ZFYVE1: variants seen among roughly 807,000 people sequenced by gnomAD.
The protein encoded by ZFYVE1 is zinc finger FYVE domain-containing protein 1.
ZFYVE1 carries 30 observed loss-of-function variants against 74.4 expected under a neutral mutation model. That is an observed-to-expected ratio of 0.40 (90% CI 0.30 to 0.55). The LOEUF (loss-of-function observed/expected upper bound fraction) is 0.55, where lower values mean the gene tolerates loss of function less well. ZFYVE1 is among the 20% of genes least tolerant of loss of function. ZFYVE1 has a pLI of 0.42. For missense variants in ZFYVE1, 703 were observed against 1,011.6 expected (o/e 0.69, Z 4.14); for synonymous variants, 335 against 385.1 (o/e 0.87, Z 1.52).
rs1894476700 is a variant in ZFYVE1, at chr14:73,026,929, T to C, written c.-438A>G. 7.7e-6 allele frequency: 3 copies of C among 389,478 alleles called. No individual in the cohort carries two copies. Among genetic ancestry groups the C allele is most frequent in the Non-Finnish European group, 1.4e-5 (3 of 220,782 alleles). 24.1% of individuals were successfully genotyped at this position (389,478 alleles called of 1,614,324 possible). A position where few individuals can be genotyped will look rare whatever the true frequency, so the allele number is the denominator to read the frequency against. On this transcript the variant is annotated 5_prime_UTR_variant, in exon 1 of 12. Coordinates refer to ENST00000556143, the MANE Select transcript of ZFYVE1 (RefSeq NM_021260.4). The stretch of plus-strand genomic sequence containing the variant: ...CGCCGCGGCCCGGGGATCCCACCAC[T>C]GAGAAGCTCGGCCGCAGCAAGGCGG...
At chr14:72,991,523 G>C (rs926928638) in intron 4 of ZFYVE1, among the ~76,000 whole-genome samples, 1 of 152,054 alleles carries the variant, frequency 6.6e-6, no homozygotes, top group South Asian at 2.1e-4. Context: ...ATCTGGGTTA[G>C]CTTCCAGAAG....
intron 8 of ZFYVE1, among the ~76,000 whole-genome samples, chr14:72,977,337 T>C (rs1594831296): frequency 6.6e-6 from 1 of 151,178 alleles, no homozygotes; most frequent in Non-Finnish European, 1.5e-5. Context: ...ACCCGGGAGG[T>C]GGAGATTGCA....
Position 72,975,346 on chromosome 14 carries a change from C to A in ZFYVE1, c.1806+205G>T. The A allele has an allele frequency of 1.6e-6, 1 of 631,502 alleles. No individual in the cohort carries two copies. The highest frequency in any genetic ancestry group is 2.6e-6 in the Non-Finnish European group (1 of 380,298). The allele number at this position is 631,502 out of a possible 1,614,324, so 39.1% of individuals were successfully genotyped here. ...ACTAAAACTCACCAAACAGAAAATA[C>A]TTGCAGGAAAACACGAAGGGAAATC... On this transcript the variant is annotated intron_variant, in intron 9 of 11. Transcript: ENST00000556143. The surrounding 1 kb of genome is among the most constrained non-coding windows in gnomAD (Gnocchi z 4.1).
chr14:72,993,379 C>A (rs772022639), intron 3 of ZFYVE1, 22 bp from the exon 4 acceptor site: 1 of 1,576,722 alleles, frequency 6.3e-7, no homozygotes, highest in South Asian at 1.1e-5. Context: ...GAAACACAGG[C>A]ACATGGGTAG....
At chr14:72,974,732 T>C (rs1893121063) in intron 10 of ZFYVE1, 47 bp downstream of exon 10, 3 of 1,555,520 alleles carry the variant, frequency 1.9e-6, no homozygotes, top group Admixed American at 3.6e-5. Flanking sequence ...AGGGCCAATG[T>C]GGGAGGTTCT....
intron 3 of ZFYVE1, among the ~76,000 whole-genome samples, chr14:72,997,370 A>AT (rs147301387): frequency 0.073 from 10,928 of 149,532 alleles, 522 homozygotes; most frequent in East Asian, 0.19. Context: ...TCCTAATCTT[A>AT]TTTTTTTTTT....
intron 10 of ZFYVE1, 138 bp downstream of exon 10, chr14:72,974,641 G>A: frequency 5.3e-6 from 6 of 1,128,976 alleles, no homozygotes; most frequent in Non-Finnish European, 6.2e-6. Context: ...AAGGAGCTTA[G>A]AGGCTGACTG....
At chr14:73,010,768 T>TAAAAA (rs35771113) in intron 2 of ZFYVE1, among the ~76,000 whole-genome samples, 3 of 59,000 alleles carry the variant, frequency 5.1e-5, no homozygotes, top group African/African-American at 7.8e-5. Context: ...AGACTCCATC[T>TAAAAA]AAAAAAAAAA....
At chr14:73,002,315 A>G (rs1000956258) in intron 2 of ZFYVE1, among the ~76,000 whole-genome samples, 18 of 152,244 alleles carry the variant, frequency 1.2e-4, no homozygotes, top group African/African-American at 4.1e-4. Flanking sequence ...TGGAAAGATG[A>G]AAATATTCCA....
rs955748994 is a variant in ZFYVE1 at position 73,018,050 on chromosome 14, G to T, written c.483+5976C>A. Among the ~76,000 whole-genome samples, 35 of 152,120 alleles carry T rather than the reference G, an allele frequency of 2.3e-4. 1 individual carries two copies. The highest frequency in any genetic ancestry group is 6.6e-5 in the Admixed American group (1 of 15,264). ...TGGCATTCTTTCTAGCCTCGAACAT[G>T]CCATCCAACCTTCATTTTCTTCCCA... On this transcript the variant is annotated intron_variant, in intron 2 of 11. Coordinates refer to ENST00000556143, the MANE Select transcript of ZFYVE1 (RefSeq NM_021260.4).
At chr14:72,981,306 A>C (rs1304229475) in intron 5 of ZFYVE1, among the ~76,000 whole-genome samples, 1 of 152,194 alleles carries the variant, frequency 6.6e-6, no homozygotes, top group Non-Finnish European at 1.5e-5. Context: ...GCTCCCCAGA[A>C]AATTCTAATG....
chr14:73,014,390 CACCATATAATGCCTTCCCCTCT>C (rs1343802976), intron 2 of ZFYVE1, among the ~76,000 whole-genome samples: 118 of 152,308 alleles, frequency 7.7e-4, no homozygotes, highest in African/African-American at 2.6e-3. Context: ...TCCCAGTAAA[CACCATATAATGCCTTCCCCTCT>C]ACCAATATCA....
At chr14:72,980,274 G>A (rs1178664721) in intron 5 of ZFYVE1, among the ~76,000 whole-genome samples, 1 of 152,216 alleles carries the variant, frequency 6.6e-6, no homozygotes, top group Non-Finnish European at 1.5e-5. Context: ...ACAGATGTAG[G>A]TCAGGTCTAC....
At chr14:73,022,626 T>C (rs1311830222) in intron 2 of ZFYVE1, among the ~76,000 whole-genome samples, 2 of 152,224 alleles carry the variant, frequency 1.3e-5, no homozygotes, top group African/African-American at 4.8e-5. Context: ...TACCCTTGGC[T>C]ATATAGTGAT....
chr14:72,975,910 T>A lies in ZFYVE1; in HGVS notation c.1636-189A>T. ...TCTTCAAAGTGACCATAAGACTTGA[T>A]GTGTAGCTGTTCAATTCAGGACTTA... is the stretch of plus-strand genomic sequence containing the variant. On this transcript the variant is annotated intron_variant, in intron 8 of 11. Transcript: ENST00000556143. This position sits in a 1 kb window ranked among gnomAD's most constrained non-coding sequence, Gnocchi z 4.1. 4.6e-6 allele frequency: 3 copies of A among 648,212 alleles called. No individual in the cohort carries two copies. The highest frequency in any genetic ancestry group is 7.7e-6 in the Non-Finnish European group (3 of 388,146). The allele number at this position is 648,212 out of a possible 1,614,324, so 40.2% of individuals were successfully genotyped here.
At chr14:73,026,841 G>GCCTGAGCC (rs1894474082) in intron 1 of ZFYVE1, 85 bp downstream of exon 1, 1 of 136,136 alleles carries the variant, frequency 7.3e-6, no homozygotes, top group Non-Finnish European at 1.5e-5. Flanking sequence ...CCCGAGGGCA[G>GCCTGAGCC]CCTGAGCCCC....
At position 72,970,574 on chromosome 14, in the gene ZFYVE1, C is replaced by T. The variant is rs972772542; in HGVS notation, c.*308G>A. ...AGCCAGCAGCAGCCTCGATACGCCC[C>T]GAGTGCCTTTCATATGTATATATGA... On this transcript the variant is annotated 3_prime_UTR_variant, in exon 12 of 12. Coordinates refer to ENST00000556143, the MANE Select transcript of ZFYVE1 (RefSeq NM_021260.4). 8.9e-6 allele frequency: 3 copies of T among 338,190 alleles called. No homozygotes were observed. The highest frequency in any genetic ancestry group is 9.1e-4 in the Middle Eastern group (1 of 1,094). 20.9% of individuals were successfully genotyped at this position (338,190 alleles called of 1,614,324 possible).
intron 5 of ZFYVE1, 112 bp downstream of exon 5, chr14:72,981,677 T>A: frequency 1.0e-6 from 1 of 991,674 alleles, no homozygotes; most frequent in African/African-American, 1.6e-5. Flanking sequence ...TCAGAACCTG[T>A]AATTTAGCAA....
At chr14:73,022,687 A>G (rs902457863) in intron 2 of ZFYVE1, among the ~76,000 whole-genome samples, 1 of 152,150 alleles carries the variant, frequency 6.6e-6, no homozygotes, top group Non-Finnish European at 1.5e-5. Flanking sequence ...AGCCCACTCA[A>G]AAGAAAAGTA....
Sources: allele counts gnomAD v4.1 joint callset (sites outside exome capture counted in the v4.1 genomes callset), GRCh38; gene constraint gnomAD v4.1.1; non-coding constraint Gnocchi (gnomAD v3.1); transcripts MANE v1.5; gene names NCBI Gene and HGNC (gene_info 2026-07-23, HGNC 2026-07-21).